Variants in TMEM132D observed in about 807,000 individuals in gnomAD.
TMEM132D encodes mature OL transmembrane protein.
In TMEM132D, 21 loss-of-function variants were observed where a neutral mutation model predicts 62.3. That is an observed-to-expected ratio of 0.34 (90% CI 0.24 to 0.49). TMEM132D has a LOEUF of 0.49. TMEM132D is among the 20% of genes least tolerant of loss of function. The probability of loss-of-function intolerance (pLI) is 0.99; values close to 1 mark genes in which losing one functional copy is unlikely to be tolerated. For missense variants in TMEM132D, 1,346 were observed against 1,402.8 expected (o/e 0.96, Z 0.65); for synonymous variants, 621 against 575.6 (o/e 1.08, Z -1.13).
intron 1 of TMEM132D, among the ~76,000 whole-genome samples, chr12:129,763,809 T>C (rs1870461906): frequency 6.6e-6 from 1 of 152,104 alleles, no homozygotes; most frequent in Non-Finnish European, 1.5e-5. Context: ...GCCCAATTCA[T>C]GACCTCAGAG....
chr12:129,442,424 C>T (rs1428680185), intron 3 of TMEM132D, among the ~76,000 whole-genome samples: 2 of 152,152 alleles, frequency 1.3e-5, no homozygotes, highest in African/African-American at 4.8e-5. Context: ...AAGACTCTAC[C>T]CTTTCCAGAT....
chr12:129,231,820 C>T (rs1879648507), intron 4 of TMEM132D, among the ~76,000 whole-genome samples: 1 of 152,182 alleles, frequency 6.6e-6, no homozygotes, highest in African/African-American at 2.4e-5. Flanking sequence ...TAGAGCCAAA[C>T]TATCTTTTCT....
intron 3 of TMEM132D, among the ~76,000 whole-genome samples, chr12:129,373,044 G>T (rs538359511): frequency 6.6e-6 from 1 of 152,096 alleles, no homozygotes; most frequent in Non-Finnish European, 1.5e-5. Flanking sequence ...TTGTTAGAGA[G>T]ACCGACTTCC....
chr12:129,076,514 G>A (rs1403745863), intron 8 of TMEM132D, among the ~76,000 whole-genome samples: 2 of 152,206 alleles, frequency 1.3e-5, no homozygotes, highest in African/African-American at 2.4e-5. Context: ...AATGTGGCTG[G>A]TGGCCTCTGC....
chr12:129,561,443 A>C (rs1207661450), intron 2 of TMEM132D, among the ~76,000 whole-genome samples: 6 of 152,232 alleles, frequency 3.9e-5, no homozygotes, highest in Non-Finnish European at 5.9e-5. Flanking sequence ...GCTGTTCTTC[A>C]TAGCAGAGGG....
intron 1 of TMEM132D, among the ~76,000 whole-genome samples, chr12:129,759,597 A>G (rs1870285344): frequency 6.6e-6 from 1 of 152,212 alleles, no homozygotes; most frequent in Non-Finnish European, 1.5e-5. Context: ...AGAGTAGGTA[A>G]AAGTCCCAGT....
rs372489586 is a variant in TMEM132D, at chr12:129,700,313, G to C, written c.465C>G (p.Asp155Glu). 4 of 1,613,902 alleles carry C rather than the reference G, an allele frequency of 2.5e-6. No homozygotes were observed. Among genetic ancestry groups the C allele is most frequent in the Non-Finnish European group, 2.5e-6 (3 of 1,180,020 alleles). The change falls in exon 2 of 9, where the codon GAC becomes GAG. Residue 155 changes from aspartate to glutamate, a missense_variant. Physicochemically the swap from Asp to Glu is conservative, Grantham distance 45. Transcript: ENST00000422113. ...TCTCCCCGGCGCTGCGGTCGTCCCA[G>C]TCTCTGCCCATGATGTGGAACAGAA... ...VQVLFHIMGRDWDDRSAGEKL... is the reference protein window; with the variant it reads ...VQVLFHIMGREWDDRSAGEKL...
intron 5 of TMEM132D, among the ~76,000 whole-genome samples, chr12:129,183,406 T>A (rs1201347308): frequency 6.6e-6 from 1 of 152,196 alleles, no homozygotes; most frequent in Non-Finnish European, 1.5e-5. Flanking sequence ...CGAAAGCCAT[T>A]TCTAGCCTTG....
At chr12:129,083,726 G>T (rs189910398) in intron 6 of TMEM132D, among the ~76,000 whole-genome samples, 1 of 152,290 alleles carries the variant, frequency 6.6e-6, no homozygotes, top group Admixed American at 6.5e-5. Context: ...GTCTCATAAT[G>T]CATATACTTT....
Position 129,342,982 on chromosome 12 carries a change from G to T in TMEM132D, c.1116-5165C>A, listed in dbSNP as rs528292037. ...AACACTTTTACACTGTTGGTGGGAC[G>T]GTAAACTAGTTCAACCATTGTGGAA... On this transcript the variant is annotated intron_variant, in intron 3 of 8. Coordinates refer to ENST00000422113, the MANE Select transcript of TMEM132D (RefSeq NM_133448.3). Among the ~76,000 whole-genome samples the T allele has an allele frequency of 1.0e-3, 152 of 152,216 alleles. 1 individual carries two copies. The highest frequency in any genetic ancestry group is 5.4e-3 in the South Asian group (26 of 4,810).
intron 1 of TMEM132D, among the ~76,000 whole-genome samples, chr12:129,818,830 T>C (rs912493584): frequency 1.2e-4 from 18 of 151,538 alleles, no homozygotes; most frequent in Non-Finnish European, 1.5e-4. Flanking sequence ...AGCCCAGGAG[T>C]TGGAGATCAG....
At chr12:129,533,910 C>A (rs1011125554) in intron 2 of TMEM132D, among the ~76,000 whole-genome samples, 1 of 152,110 alleles carries the variant, frequency 6.6e-6, no homozygotes, top group Non-Finnish European at 1.5e-5. Context: ...GTGTGAATAT[C>A]AAGGAAAATC....
chr12:129,743,247 C>T (rs1028910542), intron 1 of TMEM132D, among the ~76,000 whole-genome samples: 19 of 152,158 alleles, frequency 1.2e-4, no homozygotes, highest in Admixed American at 3.3e-4. Flanking sequence ...TATATTTGGC[C>T]GTGTCTCCAT....
At chr12:129,659,212 C>T (rs748939448) in intron 2 of TMEM132D, among the ~76,000 whole-genome samples, 1 of 152,100 alleles carries the variant, frequency 6.6e-6, no homozygotes, top group Non-Finnish European at 1.5e-5. Flanking sequence ...AGATGAACCA[C>T]CCAGCTGAAT....
chr12:129,156,009 C>A (rs1466493583), intron 5 of TMEM132D, among the ~76,000 whole-genome samples: 1 of 151,838 alleles, frequency 6.6e-6, no homozygotes. Flanking sequence ...CCTGTGATAA[C>A]AAACTCCCAA....
At chr12:129,324,868 T>G (rs1868850662) in intron 4 of TMEM132D, among the ~76,000 whole-genome samples, 1 of 152,200 alleles carries the variant, frequency 6.6e-6, no homozygotes, top group Admixed American at 6.5e-5. Flanking sequence ...TTAATTTTTT[T>G]GCATGTGAAT....
At chr12:129,505,398 A>G (rs576290356) in intron 3 of TMEM132D, among the ~76,000 whole-genome samples, 9 of 152,072 alleles carry the variant, frequency 5.9e-5, no homozygotes, top group African/African-American at 1.7e-4. Flanking sequence ...GCCTGCCACC[A>G]TGCCCGGCTA....
intron 1 of TMEM132D, among the ~76,000 whole-genome samples, chr12:129,798,079 G>T (rs1871618278): frequency 6.6e-6 from 1 of 152,124 alleles, no homozygotes; most frequent in Non-Finnish European, 1.5e-5. Context: ...TCTCTCGATT[G>T]CACTCTTGCC....
At chr12:129,666,871 A>T (rs1284783745) in intron 2 of TMEM132D, among the ~76,000 whole-genome samples, 2 of 152,196 alleles carry the variant, frequency 1.3e-5, no homozygotes, top group African/African-American at 4.8e-5. Context: ...AGAAGGCATG[A>T]TAATATGGTT....
Sources: gnomAD v4.1 joint callset for allele counts (sites outside exome capture counted in the v4.1 genomes callset) on GRCh38, gnomAD v4.1.1 for gene constraint, MANE v1.5 for transcripts, NCBI Gene and HGNC (gene_info 2026-07-23, HGNC 2026-07-21) for gene names.